ADAMTS16: variants seen among roughly 807,000 people sequenced by gnomAD.
The protein encoded by ADAMTS16 is ADAM metallopeptidase with thrombospondin type 1 motif 16.
In ADAMTS16, 94 loss-of-function variants were observed where a neutral mutation model predicts 145.8. The ratio of observed to expected loss-of-function variants is 0.64; its 90% CI spans 0.55 to 0.77. The LOEUF (loss-of-function observed/expected upper bound fraction) is 0.77, where lower values mean the gene tolerates loss of function less well. Among genes scored for constraint, ADAMTS16 ranks in the 30% least tolerant of loss-of-function variants. The pLI is 0.00. For missense variants in ADAMTS16, 1,585 were observed against 1,591.5 expected (o/e 1.00, Z 0.07); for synonymous variants, 659 against 604.3 (o/e 1.09, Z -1.33).
rs1719720621 is a variant in ADAMTS16 at position 5,237,226 on chromosome 5, G to T, written c.2154+127G>T. On this transcript the variant is annotated intron_variant, in intron 14 of 22. Coordinates refer to ENST00000274181, the MANE Select transcript of ADAMTS16 (RefSeq NM_139056.4). ...TTTCCCTCTAAGTTGCAGCCCAGTGGGGAGAAAGCCAGAAGAACACATTGA... is the reference window on the plus strand; with the variant it reads ...TTTCCCTCTAAGTTGCAGCCCAGTGTGGAGAAAGCCAGAAGAACACATTGA... The T allele has an allele frequency of 1.0e-5, 10 of 961,000 alleles. 1 individual carries two copies. In the South Asian group the frequency reaches 1.8e-4, roughly 17 times the overall value. The allele number at this position is 961,000 out of a possible 1,614,324, so 59.5% of individuals were successfully genotyped here. A position where few individuals can be genotyped will look rare whatever the true frequency, so the allele number is the denominator to read the frequency against.
rs192048930 is a variant in ADAMTS16 at position 5,179,648 on chromosome 5, C to T, written c.502-2396C>T. On this transcript the variant is annotated intron_variant, in intron 3 of 22. Transcript: ENST00000274181. The stretch of plus-strand genomic sequence containing the variant: ...TGTTGTTGTGTCTTCGTTTAGTTCC[C>T]GGAGTTCTAGAAGGCCAAGAAGGTT... Among the ~76,000 whole-genome samples, 213 of 152,286 alleles carry T rather than the reference C, an allele frequency of 1.4e-3. 2 individuals carry two copies. The highest frequency in any genetic ancestry group is 4.7e-3 in the African/African-American group (196 of 41,548).
chr5:5,222,817 G>A lies in ADAMTS16; in HGVS notation c.1634G>A (p.Arg545His), dbSNP rs539722210. 1.3e-4 allele frequency: 203 copies of A among 1,614,106 alleles called. No homozygotes were observed. In the South Asian group the frequency reaches 1.9e-3, roughly 15 times the overall value. ...ATCTGTAAAGCCCTGTGGTGCCATC[G>A]TATTGGAAGGAAATGTGAGACTAAA... is the stretch of plus-strand genomic sequence containing the variant. ...KDICKALWCH[R>H]IGRKCETKFM... Residue 545 changes from arginine (R) to histidine (H), a missense_variant, in exon 11 of 23, where the codon CGT becomes CAT. By Grantham distance (29) the Arg-to-His change is conservative. Around this residue, in one of 3 missense-constraint regions of ADAMTS16, gnomAD observed 298 missense variants for 367.6 expected, o/e 0.81. Coordinates refer to ENST00000274181, the MANE Select transcript of ADAMTS16 (RefSeq NM_139056.4).
At chr5:5,289,572 G>A (rs527512072) in intron 18 of ADAMTS16, among the ~76,000 whole-genome samples, 6 of 152,310 alleles carry the variant, frequency 3.9e-5, no homozygotes, top group African/African-American at 1.4e-4. Flanking sequence ...CTTGGGTGCT[G>A]TAAAAACACT....
intron 10 of ADAMTS16, among the ~76,000 whole-genome samples, chr5:5,220,825 G>A (rs1736583144): frequency 6.6e-6 from 1 of 151,974 alleles, no homozygotes; most frequent in South Asian, 2.1e-4. Context: ...TTATCTACCT[G>A]GGAATCCCAA....
chr5:5,259,907 G>T (rs979784344), intron 17 of ADAMTS16, among the ~76,000 whole-genome samples: 2 of 151,694 alleles, frequency 1.3e-5, no homozygotes, highest in East Asian at 1.9e-4. Context: ...CCTTTCAAAG[G>T]CTGCCCTGAG....
intron 3 of ADAMTS16, among the ~76,000 whole-genome samples, chr5:5,174,511 T>A (rs527386848): frequency 6.0e-4 from 92 of 152,286 alleles, no homozygotes; most frequent in African/African-American, 2.2e-3. Context: ...GTTTGGGAAG[T>A]GCTCTGTTTT....
chr5:5,225,799 T>G (rs543875134), intron 11 of ADAMTS16, among the ~76,000 whole-genome samples: 29 of 152,240 alleles, frequency 1.9e-4, no homozygotes, highest in Non-Finnish European at 1.3e-4. Flanking sequence ...AATATGCATT[T>G]GCCTGGGGTG....
intron 8 of ADAMTS16, 45 bp downstream of exon 8, chr5:5,191,835 T>A (rs1308782000): frequency 9.2e-6 from 13 of 1,409,190 alleles, no homozygotes; most frequent in Non-Finnish European, 1.3e-5. Flanking sequence ...GTTTTTTCCT[T>A]ACTGGATGAT....
intron 7 of ADAMTS16, among the ~76,000 whole-genome samples, chr5:5,190,900 T>G (rs1298297179): frequency 1.3e-5 from 2 of 152,114 alleles, no homozygotes; most frequent in East Asian, 3.9e-4. Context: ...GAGTGGCTCA[T>G]TGTGCCTAAA....
intron 4 of ADAMTS16, among the ~76,000 whole-genome samples, chr5:5,184,350 A>C (rs1394464123): frequency 6.6e-6 from 1 of 152,002 alleles, no homozygotes; most frequent in East Asian, 1.9e-4. Context: ...TCACCGATGC[A>C]TGGATGTACC....
At chr5:5,285,437 A>G (rs1367623353) in intron 18 of ADAMTS16, among the ~76,000 whole-genome samples, 1 of 152,208 alleles carries the variant, frequency 6.6e-6, no homozygotes, top group Admixed American at 6.5e-5. Context: ...ACTCGGGTGC[A>G]GCCCCGACTG....
chr5:5,146,209 G>A lies in ADAMTS16; in HGVS notation c.255G>A (p.Arg85=). ...VSHEIMHHQR[R]RRAVPVSEVE... ...ATGAAATCATGCACCATCAGCGGCG[G>A]AGAAGAGCAGTGCCCGTGTCCGAGG... is the stretch of plus-strand genomic sequence containing the variant. The change falls in exon 3 of 23, where the codon CGG becomes CGA. Residue 85 remains arginine (R), a synonymous_variant. Coordinates refer to ENST00000274181, the MANE Select transcript of ADAMTS16 (RefSeq NM_139056.4). The A allele has an allele frequency of 6.2e-7, 1 of 1,614,192 alleles. No individual in the cohort carries two copies. The highest frequency in any genetic ancestry group is 1.3e-5 in the African/African-American group (1 of 75,046).
At chr5:5,194,548 A>G (rs1735749198) in intron 8 of ADAMTS16, among the ~76,000 whole-genome samples, 1 of 152,226 alleles carries the variant, frequency 6.6e-6, no homozygotes, top group Admixed American at 6.5e-5. Context: ...AGCAAGCAAC[A>G]GGTGAGGAGT....
At chr5:5,251,966 G>A (rs966916562) in intron 17 of ADAMTS16, among the ~76,000 whole-genome samples, 3 of 151,906 alleles carry the variant, frequency 2.0e-5, no homozygotes, top group African/African-American at 4.8e-5. Context: ...TTCTCCTGCC[G>A]CAGCCTCCCG....
intron 17 of ADAMTS16, among the ~76,000 whole-genome samples, chr5:5,250,308 G>A (rs1015775186): frequency 3.3e-5 from 5 of 152,118 alleles, no homozygotes; most frequent in African/African-American, 4.8e-5. Flanking sequence ...AAATCCTATA[G>A]GGGAACTGTT....
chr5:5,202,991 C>T (rs2126595089), intron 9 of ADAMTS16, among the ~76,000 whole-genome samples: 1 of 152,180 alleles, frequency 6.6e-6, no homozygotes, highest in Non-Finnish European at 1.5e-5. Context: ...GAATTAAAAG[C>T]CATTTTCTTT....
chr5:5,234,351 C>G (rs1022323920), intron 12 of ADAMTS16, among the ~76,000 whole-genome samples: 9 of 152,208 alleles, frequency 5.9e-5, no homozygotes, highest in Admixed American at 3.9e-4. Flanking sequence ...TCCACATTCT[C>G]TCAAATGTGC....
At chr5:5,311,690 G>A (rs1414994222) in intron 21 of ADAMTS16, among the ~76,000 whole-genome samples, 2 of 151,434 alleles carry the variant, frequency 1.3e-5, no homozygotes, top group Non-Finnish European at 2.9e-5. Flanking sequence ...GGGACTACAC[G>A]TGCACACCAC....
At chr5:5,200,438 G>A (rs145997537) in intron 9 of ADAMTS16, among the ~76,000 whole-genome samples, 169 bp downstream of exon 9, 1 of 152,204 alleles carries the variant, frequency 6.6e-6, no homozygotes, top group Non-Finnish European at 1.5e-5. Flanking sequence ...AATCTCCTTA[G>A]AGCATGGAGG....
Sources: allele counts gnomAD v4.1 joint callset (sites outside exome capture counted in the v4.1 genomes callset), GRCh38; gene constraint gnomAD v4.1.1; regional missense constraint gnomAD v4.1.1; transcripts MANE v1.5; gene names NCBI Gene and HGNC (gene_info 2026-07-23, HGNC 2026-07-21).